The following PPP1R12A variants were observed in gnomAD, a reference collection of about 807,000 sequenced individuals.
The protein encoded by PPP1R12A is protein phosphatase 1 regulatory subunit 12A.
A neutral mutation model predicts 139.6 loss-of-function variants in PPP1R12A; 19 were observed. That is an observed-to-expected ratio of 0.14 (90% CI 0.09 to 0.20). The LOEUF is 0.20. Ranked by LOEUF, PPP1R12A falls within the 10% of genes least tolerant of loss-of-function variation. The pLI is 1.00. For missense variants in PPP1R12A, 925 were observed against 1,211.5 expected (o/e 0.76, Z 3.51); for synonymous variants, 427 against 420.6 (o/e 1.02, Z -0.19).
At chr12:79,889,095 T>C (rs1463731397) in intron 1 of PPP1R12A, among the ~76,000 whole-genome samples, 1 of 152,222 alleles carries the variant, frequency 6.6e-6, no homozygotes, top group Admixed American at 6.5e-5. Context: ...ATGAAACAAA[T>C]TCCTGGATAT....
intron 1 of PPP1R12A, among the ~76,000 whole-genome samples, chr12:79,923,964 A>C (rs1284410576): frequency 6.6e-6 from 1 of 152,174 alleles, no homozygotes; most frequent in African/African-American, 2.4e-5. Flanking sequence ...GAATCACTTG[A>C]ACCTGGGAGG....
At chr12:79,838,234 C>T (rs1878314718) in intron 3 of PPP1R12A, among the ~76,000 whole-genome samples, 1 of 152,202 alleles carries the variant, frequency 6.6e-6, no homozygotes, top group Non-Finnish European at 1.5e-5. Flanking sequence ...TGGCATTCTG[C>T]CCCTGCCCTA....
intron 2 of PPP1R12A, among the ~76,000 whole-genome samples, chr12:79,871,547 T>A (rs1371848314): frequency 6.6e-6 from 1 of 152,200 alleles, no homozygotes; most frequent in African/African-American, 2.4e-5. Flanking sequence ...TACTACTTTA[T>A]AGAAGAGAAA....
chr12:79,815,162 AG>A (rs1875187934), intron 9 of PPP1R12A, among the ~76,000 whole-genome samples: 1 of 152,178 alleles, frequency 6.6e-6, no homozygotes. Flanking sequence ...TGTGAGAAAA[AG>A]AAAAAGAAAA....
At chr12:79,874,456 A>G (rs932102911) in intron 1 of PPP1R12A, among the ~76,000 whole-genome samples, 3 of 152,168 alleles carry the variant, frequency 2.0e-5, no homozygotes, top group Non-Finnish European at 2.9e-5. Flanking sequence ...ATATTAATAC[A>G]TACAACCAAG....
chr12:79,911,030 C>A (rs1463228), intron 1 of PPP1R12A, among the ~76,000 whole-genome samples: 123,123 of 152,118 alleles, frequency 0.81, 51,494 homozygotes, highest in Non-Finnish European at 0.92. Context: ...TTTATCTCTA[C>A]GGTGAACTAC....
At chr12:79,888,428 T>C (rs1884301115) in intron 1 of PPP1R12A, among the ~76,000 whole-genome samples, 1 of 151,932 alleles carries the variant, frequency 6.6e-6, no homozygotes, top group Non-Finnish European at 1.5e-5. Context: ...GTGTAAAAAG[T>C]GATCAGAGAA....
upstream of PPP1R12A, chr12:79,935,179 G>A (rs1209426574): frequency 3.0e-6 from 4 of 1,335,062 alleles, no homozygotes; most frequent in African/African-American, 3.0e-5. Context: ...CGTCACCGGC[G>A]GCCAATCTAA....
intron 2 of PPP1R12A, among the ~76,000 whole-genome samples, chr12:79,868,464 G>A (rs1053901686): frequency 2.0e-5 from 3 of 152,152 alleles, no homozygotes; most frequent in African/African-American, 7.2e-5. Context: ...ACACTGGGTG[G>A]CTTAAACAAT....
At chr12:79,845,609 C>T (rs2137212584) in intron 2 of PPP1R12A, among the ~76,000 whole-genome samples, 189 bp from the exon 3 acceptor site, 1 of 152,194 alleles carries the variant, frequency 6.6e-6, no homozygotes, top group African/African-American at 2.4e-5. Flanking sequence ...TTTGGGAGGC[C>T]AAGGCAGGCG....
chr12:79,858,467 T>C (rs888866918), intron 2 of PPP1R12A, among the ~76,000 whole-genome samples: 5 of 152,244 alleles, frequency 3.3e-5, no homozygotes, highest in African/African-American at 1.2e-4. Flanking sequence ...CAAGTATTAA[T>C]ATTTCCATTT....
At chr12:79,842,193 G>A (rs979496118) in intron 3 of PPP1R12A, among the ~76,000 whole-genome samples, 25 of 152,024 alleles carry the variant, frequency 1.6e-4, no homozygotes, top group Admixed American at 7.9e-4. Flanking sequence ...GGTGGCATGC[G>A]CCTACAGTCC....
At chr12:79,801,073 C>T (rs1477091186) in intron 14 of PPP1R12A, among the ~76,000 whole-genome samples, 3 of 150,482 alleles carry the variant, frequency 2.0e-5, no homozygotes, top group South Asian at 2.1e-4. Flanking sequence ...TGGCTGGGCG[C>T]GGTGGCTCAT....
At chr12:79,850,829 T>G (rs1334918487) in intron 2 of PPP1R12A, among the ~76,000 whole-genome samples, 1 of 152,144 alleles carries the variant, frequency 6.6e-6, no homozygotes, top group Non-Finnish European at 1.5e-5. Flanking sequence ...CCTCCCTCTT[T>G]GCTCTCTTTC....
chr12:79,929,640 G>A (rs748148668), intron 1 of PPP1R12A, among the ~76,000 whole-genome samples: 2 of 151,910 alleles, frequency 1.3e-5, no homozygotes, highest in Non-Finnish European at 2.9e-5. Context: ...ATGGTGCCAC[G>A]CACCCGTAAT....
chr12:79,806,768 C>G (rs1873888123), intron 12 of PPP1R12A: 1 of 161,152 alleles, frequency 6.2e-6, no homozygotes, highest in African/African-American at 2.4e-5. Flanking sequence ...ACATCTTATT[C>G]TTTTTGGTTG....
intron 1 of PPP1R12A, among the ~76,000 whole-genome samples, chr12:79,882,517 T>C (rs1034243731): frequency 2.6e-5 from 4 of 152,212 alleles, no homozygotes; most frequent in East Asian, 1.9e-4. Context: ...TTATTTCTCA[T>C]GGACAAGCAA....
intron 1 of PPP1R12A, among the ~76,000 whole-genome samples, chr12:79,880,678 A>AT (rs1225724608): frequency 6.6e-6 from 1 of 152,194 alleles, no homozygotes; most frequent in Non-Finnish European, 1.5e-5. Flanking sequence ...TCAGATCAGT[A>AT]TTTCAGAAAG....
chr12:79,836,786 C>T (rs1276658591), intron 3 of PPP1R12A, among the ~76,000 whole-genome samples: 1 of 152,112 alleles, frequency 6.6e-6, no homozygotes, highest in Non-Finnish European at 1.5e-5. Context: ...AGCCAGTGAT[C>T]CTGAGAAAGC....
Sources: allele counts gnomAD v4.1 joint callset (sites outside exome capture counted in the v4.1 genomes callset), GRCh38; gene constraint gnomAD v4.1.1; transcripts MANE v1.5; gene names NCBI Gene and HGNC (gene_info 2026-07-23, HGNC 2026-07-21).